The following AK2 variants were observed in gnomAD, a reference collection of about 807,000 sequenced individuals.
AK2 encodes the protein adenylate kinase 2, mitochondrial.
AK2 carries 15 observed loss-of-function variants against 24.6 expected under a neutral mutation model. The observed-to-expected ratio is 0.61, with a 90% CI of 0.41 to 0.94. The LOEUF (loss-of-function observed/expected upper bound fraction) is 0.94. Among genes scored for constraint, AK2 ranks in the 40% least tolerant of loss-of-function variants. The probability of loss-of-function intolerance (pLI) is 0.00; values close to 1 mark genes in which losing one functional copy is unlikely to be tolerated. For synonymous variants in AK2, 102 were observed against 114.0 expected, an observed-to-expected ratio of 0.90 and a Z score of 0.67; for missense variants, 257 against 304.1, an observed-to-expected ratio of 0.85 and a Z score of 1.15.
intron 1 of AK2, among the ~76,000 whole-genome samples, chr1:33,027,468 A>C (rs1008946521): frequency 6.6e-6 from 1 of 152,090 alleles, no homozygotes; most frequent in African/African-American, 2.4e-5. Context: ...CTGGCTGGGT[A>C]TGGTGGCTCA....
rs1434228960 is a variant in AK2 at position 33,008,584 on chromosome 1, A to T, written c.*4597T>A. ...GTAATTAAATCACTTCAGCAACAAG[A>T]TCAAGGGGACGGATAAGTGTTAGAG... On this transcript the variant is annotated 3_prime_UTR_variant, in exon 6 of 6. Coordinates refer to ENST00000672715, the MANE Select transcript of AK2 (RefSeq NM_001625.4). 2.2e-6 allele frequency: 1 copy of T among 454,046 alleles called. No individual in the cohort carries two copies. The highest frequency in any genetic ancestry group is 4.4e-6 in the Non-Finnish European group (1 of 226,762). 28.1% of individuals were successfully genotyped at this position (454,046 alleles called of 1,614,324 possible).
At chr1:33,034,764 A>C (rs984889933) in intron 1 of AK2, among the ~76,000 whole-genome samples, 1 of 152,172 alleles carries the variant, frequency 6.6e-6, no homozygotes, top group Non-Finnish European at 1.5e-5. Context: ...TTAAGAAAAA[A>C]ATCTCAGGGC....
intron 2 of AK2, among the ~76,000 whole-genome samples, chr1:33,023,401 T>TACAACAACA (rs71909186): frequency 2.5e-4 from 37 of 149,846 alleles, no homozygotes; most frequent in African/African-American, 7.9e-4. Flanking sequence ...ACTCCATCTC[T>TACAACAACA]ACAACAACAA....
rs751478087 is a variant in AK2 at position 33,010,769 on chromosome 1, G to C, written c.*2412C>G. The C allele has an allele frequency of 2.5e-6, 4 of 1,614,308 alleles. No individual in the cohort carries two copies. Among genetic ancestry groups the C allele is most frequent in the South Asian group, 1.1e-5 (1 of 91,088 alleles). ...CCCTTCCCCTCTGCCCAGCACCTAA[G>C]AGCAGGGATCACGCCGCGGGGTGAT... is the stretch of plus-strand genomic sequence containing the variant. On this transcript the variant is annotated 3_prime_UTR_variant, in exon 6 of 6. Transcript: ENST00000672715.
chr1:33,017,764 T>C (rs1639284270), intron 4 of AK2, among the ~76,000 whole-genome samples: 1 of 151,952 alleles, frequency 6.6e-6, no homozygotes, highest in South Asian at 2.1e-4. Flanking sequence ...ACTTTATTTT[T>C]ATTTTTTTGA....
chr1:33,011,933 T>C lies in AK2; in HGVS notation c.*1248A>G, dbSNP rs969303282. 2 of 1,533,786 alleles carry C rather than the reference T, an allele frequency of 1.3e-6. No individual in the cohort carries two copies. Among genetic ancestry groups the C allele is most frequent in the East Asian group, 2.4e-5 (1 of 40,818 alleles). Reference sequence around the variant, plus strand: ...AGGGTTTGGGCTTAAAAAGAACATATCTGATTTCAGTTTTATGTCCTGGAG... The same window carrying C: ...AGGGTTTGGGCTTAAAAAGAACATACCTGATTTCAGTTTTATGTCCTGGAG... On this transcript the variant is annotated 3_prime_UTR_variant, in exon 6 of 6. Coordinates refer to ENST00000672715, the MANE Select transcript of AK2 (RefSeq NM_001625.4).
chr1:33,029,954 CAT>C (rs374807910), intron 1 of AK2, among the ~76,000 whole-genome samples: 1 of 152,334 alleles, frequency 6.6e-6, no homozygotes, highest in African/African-American at 2.4e-5. Flanking sequence ...CCCTCCAAAA[CAT>C]ACACATTCCG....
chr1:33,019,753 T>C lies in AK2; in HGVS notation c.425+1614A>G, dbSNP rs190790967. 1.4e-4 allele frequency: 148 copies of C among 1,048,504 alleles called. 1 individual carries two copies. In the African/African-American group the frequency reaches 2.1e-3, roughly 15 times the overall value. The allele number at this position is 1,048,504 out of a possible 1,614,324, so 65.0% of individuals were successfully genotyped here. Reference sequence around the variant, plus strand: ...CTGAAATAAGAAAACATTTTTTCCCTAATCCAAAAATTTACATGCATTATG... The same window carrying C: ...CTGAAATAAGAAAACATTTTTTCCCCAATCCAAAAATTTACATGCATTATG... On this transcript the variant is annotated intron_variant, in intron 4 of 5. Transcript: ENST00000672715.
chr1:33,012,490 T>C lies in AK2; in HGVS notation c.*691A>G, dbSNP rs895083075. On this transcript the variant is annotated 3_prime_UTR_variant, in exon 6 of 6. Coordinates refer to ENST00000672715, the MANE Select transcript of AK2 (RefSeq NM_001625.4). The stretch of plus-strand genomic sequence containing the variant: ...ACTTCACATGATCCTGGACTTCTAA[T>C]CAGCTGCTGGAAATGGAAGAAATAC... 7.2e-7 allele frequency: 1 copy of C among 1,384,914 alleles called. No homozygotes were observed. The highest frequency in any genetic ancestry group is 3.8e-5 in the East Asian group (1 of 26,112). 85.8% of individuals were successfully genotyped at this position (1,384,914 alleles called of 1,614,324 possible).
chr1:33,033,962 C>CTCCAA (rs530696142), intron 1 of AK2, among the ~76,000 whole-genome samples: 25 of 152,158 alleles, frequency 1.6e-4, no homozygotes, highest in Non-Finnish European at 2.6e-4. Flanking sequence ...CAAACTCTGC[C>CTCCAA]TCCAAGGCTC....
chr1:33,028,564 T>A (rs1640046846), intron 1 of AK2, among the ~76,000 whole-genome samples: 1 of 151,996 alleles, frequency 6.6e-6, no homozygotes, highest in African/African-American at 2.4e-5. Context: ...ACCTGCATTT[T>A]AAGCAAGCTT....
intron 1 of AK2, among the ~76,000 whole-genome samples, chr1:33,030,108 C>T (rs1640145284): frequency 6.6e-6 from 1 of 152,240 alleles, no homozygotes; most frequent in Non-Finnish European, 1.5e-5. Flanking sequence ...TTACGTCCTG[C>T]ACCACTGCAG....
At chr1:33,025,867 T>C (rs545579560) in intron 1 of AK2, among the ~76,000 whole-genome samples, 65 of 152,334 alleles carry the variant, frequency 4.3e-4, no homozygotes, top group Non-Finnish European at 6.8e-4. Context: ...CCTAATCCTA[T>C]ATTCATTCAT....
rs530825445 is a variant in AK2 at position 33,012,952 on chromosome 1, T to C, written c.*229A>G. The C allele has an allele frequency of 7.6e-5, 117 of 1,540,332 alleles. No individual in the cohort carries two copies. The African/African-American group carries it at 1.4e-3, about 19-fold the overall frequency. ...TGGTAAAGCAACCTAGCCTAAAACT[T>C]ACAAAGTAGCAGAGTGAACACATAT... On this transcript the variant is annotated 3_prime_UTR_variant, in exon 6 of 6. Coordinates refer to ENST00000672715, the MANE Select transcript of AK2 (RefSeq NM_001625.4).
intron 1 of AK2, among the ~76,000 whole-genome samples, chr1:33,033,962 C>T (rs775347644): frequency 1.2e-4 from 19 of 152,158 alleles, no homozygotes; most frequent in Non-Finnish European, 2.5e-4. Context: ...CAAACTCTGC[C>T]TCCAAGGCTC....
intron 4 of AK2, among the ~76,000 whole-genome samples, chr1:33,018,132 T>A (rs1055076824): frequency 6.6e-6 from 1 of 152,184 alleles, no homozygotes. Flanking sequence ...GGTATTAAGA[T>A]AATACCGGAG....
chr1:33,024,964 A>T (rs1285683722), intron 1 of AK2, among the ~76,000 whole-genome samples: 1 of 152,170 alleles, frequency 6.6e-6, no homozygotes, highest in Non-Finnish European at 1.5e-5. Context: ...AGGTGGGCGG[A>T]TCACGAGGTC....
intron 4 of AK2, among the ~76,000 whole-genome samples, 164 bp from the exon 5 acceptor site, chr1:33,014,758 T>G (rs1182027764): frequency 6.6e-6 from 1 of 152,210 alleles, no homozygotes; most frequent in Non-Finnish European, 1.5e-5. Flanking sequence ...GGAGAGCTTA[T>G]GCCAGCGGCA....
chr1:33,019,878 A>T, intron 4 of AK2: 1 of 1,336,644 alleles, frequency 7.5e-7, no homozygotes, highest in Non-Finnish European at 9.6e-7. Context: ...GTGAAATATT[A>T]CACAGCAATT....
Sources: gnomAD v4.1 joint callset for allele counts (sites outside exome capture counted in the v4.1 genomes callset) on GRCh38, gnomAD v4.1.1 for gene constraint, MANE v1.5 for transcripts, NCBI Gene and HGNC (gene_info 2026-07-23, HGNC 2026-07-21) for gene names.